The following STON2 variants were observed in gnomAD, a reference collection of about 807,000 sequenced individuals.
STON2 encodes the protein stonin 2.
A neutral mutation model predicts 65.7 loss-of-function variants in STON2; 29 were observed. That is an observed-to-expected ratio of 0.44 (90% CI 0.33 to 0.60). STON2 has a LOEUF of 0.60. Ranked by LOEUF, STON2 falls within the 20% of genes least tolerant of loss-of-function variation. The pLI, the probability that STON2 is intolerant of heterozygous loss-of-function variation, is 0.03. For missense variants in STON2, 1,054 were observed against 1,118.1 expected, an observed-to-expected ratio of 0.94 and a Z score of 0.82; for synonymous variants, 404 against 414.2, an observed-to-expected ratio of 0.98 and a Z score of 0.30.
At chr14:81,336,288 C>T (rs770559848) in intron 4 of STON2, among the ~76,000 whole-genome samples, 28 of 151,964 alleles carry the variant, frequency 1.8e-4, no homozygotes, top group Non-Finnish European at 3.7e-4. Flanking sequence ...CTCTGTGAAG[C>T]GGTTAGGTAG....
intron 4 of STON2, among the ~76,000 whole-genome samples, chr14:81,357,649 C>T (rs1362046238): frequency 1.3e-5 from 2 of 152,076 alleles, no homozygotes; most frequent in African/African-American, 4.8e-5. Flanking sequence ...AAATGTCCAA[C>T]AGTGATAGAC....
intron 6 of STON2, among the ~76,000 whole-genome samples, chr14:81,272,216 C>A (rs1026482658): frequency 8.5e-5 from 13 of 152,078 alleles, no homozygotes; most frequent in African/African-American, 3.1e-4. Context: ...TGTGAGACTC[C>A]GTCTCAAAAC....
rs142566769 is a variant in STON2, at chr14:81,418,902, C to T, written c.-199+8200G>A. The stretch of plus-strand genomic sequence containing the variant: ...AAACAAAATACCTGGCAAGTAAACA[C>T]CACTTCCATAGAAGCTTTTTATCAT... On this transcript the variant is annotated intron_variant, in intron 2 of 8. Coordinates refer to the STON2 transcript ENST00000553821. Among the ~76,000 whole-genome samples the T allele has an allele frequency of 5.4e-4, 82 of 152,310 alleles. 2 individuals are homozygous for T. The South Asian group carries it at 0.011, about 20-fold the overall frequency.
chr14:81,297,905 C>T lies in STON2; in HGVS notation c.743-19166G>A, dbSNP rs576711006. ...AATACAAAATTAGATGGGTTTGGGGCGCATGCCTGTACTCCCAGCTACTCG... is the reference window on the plus strand; with the variant it reads ...AATACAAAATTAGATGGGTTTGGGGTGCATGCCTGTACTCCCAGCTACTCG... On this transcript the variant is annotated intron_variant, in intron 5 of 7. Coordinates refer to ENST00000614646, the MANE Select transcript of STON2 (RefSeq NM_001394390.1). 1.4e-4 allele frequency among the ~76,000 whole-genome samples: 22 copies of T among 152,190 alleles called. 2 individuals carry two copies. Among genetic ancestry groups the T allele is most frequent in the African/African-American group, 3.9e-4 (16 of 41,532 alleles).
chr14:81,358,913 G>A (rs1177878623), intron 4 of STON2, among the ~76,000 whole-genome samples: 1 of 152,138 alleles, frequency 6.6e-6, no homozygotes, highest in Admixed American at 6.5e-5. Context: ...AGATTGAAGG[G>A]AAAGACATAT....
At position 81,278,753 on chromosome 14, in the gene STON2, G is replaced by T. The variant is rs1252246018; in HGVS notation, c.743-14C>A. The T allele has an allele frequency of 2.0e-6, 3 of 1,506,348 alleles. No homozygotes were observed. Among genetic ancestry groups the T allele is most frequent in the East Asian group, 4.6e-5 (2 of 43,888 alleles). The allele number at this position is 1,506,348 out of a possible 1,614,324, so 93.3% of individuals were successfully genotyped here. On this transcript the variant is annotated splice_polypyrimidine_tract_variant and intron_variant, in intron 5 of 7. Transcript: ENST00000614646. ...AGGAGGAATTGTCTAAAAGGAAAAG[G>T]AGAACATATGAGCTACTGTTCAGGG...
At chr14:81,280,647 T>C (rs542631001) in intron 5 of STON2, among the ~76,000 whole-genome samples, 33 of 152,306 alleles carry the variant, frequency 2.2e-4, no homozygotes, top group African/African-American at 7.7e-4. Context: ...GGATGCTGGC[T>C]TGTCACCCAT....
intron 4 of STON2, among the ~76,000 whole-genome samples, chr14:81,337,090 G>A (rs559841845): frequency 2.5e-4 from 38 of 152,212 alleles, no homozygotes; most frequent in South Asian, 6.2e-4. Flanking sequence ...AAAGTGTCTG[G>A]CAGTGCCTGG....
upstream of STON2, among the ~76,000 whole-genome samples, chr14:81,401,985 G>GC (rs1900632240): frequency 6.6e-6 from 1 of 152,122 alleles, no homozygotes; most frequent in African/African-American, 2.4e-5. Context: ...GGGGATCACC[G>GC]CAAGTGACAG....
At chr14:81,275,656 G>C (rs933696782) in intron 6 of STON2, among the ~76,000 whole-genome samples, 2 of 152,122 alleles carry the variant, frequency 1.3e-5, no homozygotes, top group Admixed American at 1.3e-4. Context: ...TTTAGAAGTA[G>C]GGAGTAGCAA....
At chr14:81,396,785 G>A (rs1397493980) in intron 2 of STON2, among the ~76,000 whole-genome samples, 2 of 152,112 alleles carry the variant, frequency 1.3e-5, no homozygotes, top group African/African-American at 2.4e-5. Flanking sequence ...CTGGCCGGGC[G>A]CAGTGGCTCA....
intron 2 of STON2, among the ~76,000 whole-genome samples, chr14:81,405,500 C>T (rs1429232990): frequency 9.0e-6 from 1 of 111,468 alleles, no homozygotes; most frequent in East Asian, 3.1e-4. Context: ...TTTTATTTTC[C>T]TAAGGTTTTT....
chr14:81,326,422 T>C (rs973636933), intron 4 of STON2, among the ~76,000 whole-genome samples: 3 of 152,218 alleles, frequency 2.0e-5, no homozygotes, highest in East Asian at 1.9e-4. Flanking sequence ...TTACTGATGA[T>C]GGAAAGAATA....
chr14:81,310,978 C>T (rs1379446745), intron 5 of STON2, among the ~76,000 whole-genome samples: 5 of 152,128 alleles, frequency 3.3e-5, no homozygotes, highest in Non-Finnish European at 4.4e-5. Flanking sequence ...GGTGAGTCAA[C>T]GGGTGCCACT....
At chr14:81,362,181 C>T (rs532537227) in intron 4 of STON2, among the ~76,000 whole-genome samples, 3 of 152,258 alleles carry the variant, frequency 2.0e-5, no homozygotes, top group Admixed American at 1.3e-4. Flanking sequence ...TGTCTGCATG[C>T]CCATGTTCAC....
intron 4 of STON2, among the ~76,000 whole-genome samples, chr14:81,352,572 C>T (rs1898065644): frequency 6.6e-6 from 1 of 152,134 alleles, no homozygotes; most frequent in South Asian, 2.1e-4. Context: ...TTCCTGAGGG[C>T]CCAGCCACAG....
intron 3 of STON2, among the ~76,000 whole-genome samples, chr14:81,389,260 CT>C (rs1026587392): frequency 1.3e-5 from 2 of 152,286 alleles, no homozygotes; most frequent in African/African-American, 4.8e-5. Flanking sequence ...TCCACTGTTC[CT>C]TTTTTTCCTG....
At chr14:81,388,883 G>C (rs1899948741) in intron 3 of STON2, among the ~76,000 whole-genome samples, 1 of 152,134 alleles carries the variant, frequency 6.6e-6, no homozygotes, top group Admixed American at 6.5e-5. Context: ...GGATGTTCAG[G>C]TATAAAACAG....
chr14:81,418,617 G>A (rs1204947901), intron 2 of STON2, among the ~76,000 whole-genome samples: 1 of 152,174 alleles, frequency 6.6e-6, no homozygotes, highest in Non-Finnish European at 1.5e-5. Flanking sequence ...CTTCCCTGGA[G>A]GAAGTACTTT....
Sources: allele counts gnomAD v4.1 joint callset (sites outside exome capture counted in the v4.1 genomes callset), GRCh38; gene constraint gnomAD v4.1.1; transcripts MANE v1.5; gene names NCBI Gene and HGNC (gene_info 2026-07-23, HGNC 2026-07-21).